Variants in ISCA1 observed in about 807,000 individuals in gnomAD.
The protein encoded by ISCA1 is iron-sulfur cluster assembly 1.
In ISCA1, 9 loss-of-function variants were observed where a neutral mutation model predicts 14.7. The ratio of observed to expected loss-of-function variants is 0.61; its 90% CI spans 0.37 to 1.07. The LOEUF is 1.07. ISCA1 is among the 50% of genes least tolerant of loss of function. The pLI is 0.01. For synonymous variants in ISCA1, 38 were observed against 54.3 expected (o/e 0.70, Z 1.32); for missense variants, 102 against 150.1 (o/e 0.68, Z 1.67).
Position 86,271,159 on chromosome 9 carries a change from C to T in ISCA1, c.241+848G>A, listed in dbSNP as rs945446551. On this transcript the variant is annotated intron_variant, in intron 3 of 3. Coordinates refer to ENST00000375991, the MANE Select transcript of ISCA1 (RefSeq NM_030940.4). ...TTGTTTAGGTACGTTTACACAAATA[C>T]TTACCATTGTGTCAGAACTGTGCAC... 3.9e-5 allele frequency among the ~76,000 whole-genome samples: 6 copies of T among 152,090 alleles called. No homozygotes were observed. The South Asian group carries it at 1.2e-3, about 32-fold the overall frequency.
At chr9:86,266,217 TG>T (rs760611059) in intron 3 of ISCA1, 26 bp from the exon 4 acceptor site, 11 of 1,585,040 alleles carry the variant, frequency 6.9e-6, no homozygotes, top group Non-Finnish European at 8.6e-6. Context: ...ACATGTGTCA[TG>T]GAAAGCCTGC....
In ISCA1 at chr9:86,282,445, A is replaced by G. The variant is rs1825534064; in HGVS notation, c.14T>C (p.Leu5Ser). 1 of 1,553,940 alleles carries G rather than the reference A, an allele frequency of 6.4e-7. No homozygotes were observed. The highest frequency in any genetic ancestry group is 8.7e-7 in the Non-Finnish European group (1 of 1,148,758). The part of the protein sequence containing the change: MSAS[L>S]VRATVRAVSK... ...CACAGCCCGGACAGTTGCCCGGACTAAGGAAGCCGACATCTTCGCCGTCCC... is the reference window on the plus strand; with the variant it reads ...CACAGCCCGGACAGTTGCCCGGACTGAGGAAGCCGACATCTTCGCCGTCCC... Residue 5 changes from leucine to serine, a missense_variant, in exon 1 of 4, where the codon TTA becomes TCA. Leu to Ser is a moderately radical substitution (Grantham distance 145, BLOSUM62 -2). Transcript: ENST00000375991.
At chr9:86,277,882 T>C (rs1473133915) in intron 1 of ISCA1, among the ~76,000 whole-genome samples, 1 of 152,080 alleles carries the variant, frequency 6.6e-6, no homozygotes, top group Non-Finnish European at 1.5e-5. Context: ...AATTGAAAAA[T>C]AAATATATTT....
intron 1 of ISCA1, among the ~76,000 whole-genome samples, chr9:86,277,374 C>T (rs1825451587): frequency 6.6e-6 from 1 of 152,174 alleles, no homozygotes. Flanking sequence ...TGATGGACAA[C>T]CCAGGTCAGT....
intron 3 of ISCA1, chr9:86,267,232 A>T (rs569627833): frequency 2.9e-6 from 2 of 693,796 alleles, no homozygotes; most frequent in South Asian, 1.3e-4. Context: ...CTCAACAAAC[A>T]AACAAAACAA....
chr9:86,280,385 A>C (rs1303061240), intron 1 of ISCA1, among the ~76,000 whole-genome samples: 2 of 152,014 alleles, frequency 1.3e-5, no homozygotes, highest in Non-Finnish European at 1.5e-5. Context: ...GGAGTCCAAG[A>C]CCAGCCTGGT....
intron 3 of ISCA1, chr9:86,267,701 TGGGC>T: frequency 1.9e-6 from 1 of 513,426 alleles, no homozygotes; most frequent in South Asian, 8.5e-5. Context: ...GGCATGGTGG[TGGGC>T]GCCTATAATC....
chr9:86,270,230 TCAAA>T (rs1471072156), intron 3 of ISCA1, among the ~76,000 whole-genome samples: 31 of 139,556 alleles, frequency 2.2e-4, no homozygotes, highest in Non-Finnish European at 6.2e-5. Context: ...TACAATGAAC[TCAAA>T]CAAATTTACA....
chr9:86,272,648 G>C (rs1391160919), intron 2 of ISCA1, among the ~76,000 whole-genome samples: 2 of 152,180 alleles, frequency 1.3e-5, no homozygotes, highest in Non-Finnish European at 2.9e-5. Flanking sequence ...GAGCTGAGCT[G>C]ATTTTTCATT....
Position 86,282,377 on chromosome 9 carries a change from C to A in ISCA1, c.81+1G>T. 1 of 1,546,776 alleles carries A rather than the reference C, an allele frequency of 6.5e-7. No individual in the cohort carries two copies. Among genetic ancestry groups the A allele is most frequent in the Non-Finnish European group, 8.7e-7 (1 of 1,144,538 alleles). On this transcript the variant is annotated splice_donor_variant, in intron 1 of 3. Transcript: ENST00000375991. LOFTEE classifies it high-confidence loss of function. ...CCCCGCCGCGCGCCGCGAGCACTCA[C>A]CAGGGTGAGGGCTGCCCGGGTGGGC...
At chr9:86,268,656 G>A (rs1258277380) in intron 3 of ISCA1, among the ~76,000 whole-genome samples, 1 of 152,018 alleles carries the variant, frequency 6.6e-6, no homozygotes, top group African/African-American at 2.4e-5. Flanking sequence ...CATGGTAACT[G>A]CCACAAACAG....
rs1238983781 is a variant in ISCA1 at position 86,264,950 on chromosome 9, T to C, written c.*1093A>G. The C allele has an allele frequency of 6.6e-6, 1 of 152,200 alleles. No individual in the cohort carries two copies. Among genetic ancestry groups the C allele is most frequent in the African/African-American group, 2.4e-5 (1 of 41,454 alleles). The allele number at this position is 152,200 out of a possible 1,614,324, so 9.4% of individuals were successfully genotyped here. On this transcript the variant is annotated 3_prime_UTR_variant, in exon 4 of 4. Coordinates refer to ENST00000375991, the MANE Select transcript of ISCA1 (RefSeq NM_030940.4). ...CCAGAAAATGTATGCACACTGGGAA[T>C]TTTAACAAAAGATTACACATTCTCC... is the stretch of plus-strand genomic sequence containing the variant.
intron 2 of ISCA1, 71 bp downstream of exon 2, chr9:86,274,118 T>C (rs1825409557): frequency 1.2e-6 from 1 of 849,850 alleles, no homozygotes; most frequent in Non-Finnish European, 2.0e-6. Flanking sequence ...TAATACTGTA[T>C]ATCATGGGAT....
intron 1 of ISCA1, among the ~76,000 whole-genome samples, chr9:86,274,769 G>T (rs1486179809): frequency 6.6e-6 from 1 of 151,934 alleles, no homozygotes; most frequent in African/African-American, 2.4e-5. Context: ...ATAACCCAGG[G>T]TGTGCTTCTT....
rs775019095 is a variant in ISCA1 at position 86,266,097 on chromosome 9, G to A, written c.336C>T (p.Phe112=). The change falls in exon 4 of 4, where the codon TTC becomes TTT. Residue 112 remains phenylalanine, a synonymous_variant. Coordinates refer to ENST00000375991, the MANE Select transcript of ISCA1 (RefSeq NM_030940.4). ...VEDKLSSEFV[F]NNPNIKGTCG... ...AAGTCCCTTTGATGTTTGGGTTATT[G>A]AACACAAACTCACTGGATAATTTGT... The A allele has an allele frequency of 6.2e-7, 1 of 1,612,844 alleles. No individual in the cohort carries two copies. The highest frequency in any genetic ancestry group is 1.1e-5 in the South Asian group (1 of 90,872).
At chr9:86,278,682 G>A (rs1489878123) in intron 1 of ISCA1, among the ~76,000 whole-genome samples, 1 of 151,852 alleles carries the variant, frequency 6.6e-6, no homozygotes, top group Non-Finnish European at 1.5e-5. Context: ...AAAAGAAAAA[G>A]GTTTGTAATC....
intron 1 of ISCA1, among the ~76,000 whole-genome samples, chr9:86,280,232 A>G (rs549080239): frequency 6.6e-6 from 1 of 152,252 alleles, no homozygotes; most frequent in African/African-American, 2.4e-5. Context: ...GAAACACAGC[A>G]GATCTTGATA....
intron 3 of ISCA1, among the ~76,000 whole-genome samples, chr9:86,268,734 G>A (rs752495143): frequency 2.0e-5 from 3 of 151,206 alleles, no homozygotes; most frequent in Non-Finnish European, 2.9e-5. Context: ...TGGAGGTCTC[G>A]CTATGTTGCC....
intron 3 of ISCA1, among the ~76,000 whole-genome samples, chr9:86,270,899 C>T (rs1205908885): frequency 1.5e-5 from 2 of 134,888 alleles, no homozygotes; most frequent in Non-Finnish European, 3.1e-5. Flanking sequence ...ACAATGAGAA[C>T]ACATGGACAC....
Sources: gnomAD v4.1 joint callset for allele counts (sites outside exome capture counted in the v4.1 genomes callset) on GRCh38, gnomAD v4.1.1 for gene constraint, MANE v1.5 for transcripts, NCBI Gene and HGNC (gene_info 2026-07-23, HGNC 2026-07-21) for gene names.